The following UNC5C variants were observed in gnomAD, a reference collection of about 807,000 sequenced individuals.
The protein encoded by UNC5C is netrin receptor UNC5C.
Under a neutral mutation model 99.8 loss-of-function variants are expected in UNC5C, and 47 were observed. The observed-to-expected ratio is 0.47, with a 90% CI of 0.37 to 0.60. The LOEUF (loss-of-function observed/expected upper bound fraction) is 0.60, where lower values mean the gene tolerates loss of function less well. Ranked by LOEUF, UNC5C falls within the 20% of genes least tolerant of loss-of-function variation. The probability of loss-of-function intolerance (pLI) is 0.00; values close to 1 mark genes in which losing one functional copy is unlikely to be tolerated. For missense variants in UNC5C, 1,062 were observed against 1,165.9 expected, an observed-to-expected ratio of 0.91 and a Z score of 1.30; for synonymous variants, 487 against 452.2, an observed-to-expected ratio of 1.08 and a Z score of -0.98.
chr4:95,518,949 G>A (rs765186373), intron 1 of UNC5C, among the ~76,000 whole-genome samples: 1 of 152,132 alleles, frequency 6.6e-6, no homozygotes, highest in Non-Finnish European at 1.5e-5. Context: ...TGTCTTATTT[G>A]AATTTCATTT....
intron 1 of UNC5C, among the ~76,000 whole-genome samples, chr4:95,425,364 C>T (rs1746447778): frequency 6.6e-6 from 1 of 152,244 alleles, no homozygotes; most frequent in South Asian, 2.1e-4. Flanking sequence ...CTTTGTCACC[C>T]AGGCTGGAGT....
intron 3 of UNC5C, among the ~76,000 whole-genome samples, chr4:95,295,391 T>A (rs774025478): frequency 1.3e-4 from 20 of 152,220 alleles, no homozygotes; most frequent in Admixed American, 3.3e-4. Flanking sequence ...TTAAAGCAGA[T>A]GTGTTATGTT....
At chr4:95,519,839 A>AT (rs1722306606) in intron 1 of UNC5C, among the ~76,000 whole-genome samples, 1 of 152,240 alleles carries the variant, frequency 6.6e-6, no homozygotes, top group Non-Finnish European at 1.5e-5. Context: ...TTTGTCTTGC[A>AT]TAACTGCAAA....
At position 95,468,458 on chromosome 4, in the gene UNC5C, C is replaced by A. The variant is rs1747866544; in HGVS notation, c.124+80276G>T. ...TATCTTGAAATGCTTTACCCTCCAT[C>A]TTTTTTGCTATATCCATAATATCTT... On this transcript the variant is annotated intron_variant, in intron 1 of 15. Transcript: ENST00000453304. Among the ~76,000 whole-genome samples the A allele has an allele frequency of 2.0e-5, 3 of 152,094 alleles. No homozygotes were observed. The South Asian group carries it at 6.2e-4, about 31-fold the overall frequency.
intron 2 of UNC5C, among the ~76,000 whole-genome samples, chr4:95,311,398 G>T (rs1158335581): frequency 3.9e-5 from 6 of 152,134 alleles, no homozygotes; most frequent in Non-Finnish European, 7.4e-5. Context: ...CTAAATATTT[G>T]TCCTAAAACA....
intron 1 of UNC5C, among the ~76,000 whole-genome samples, 197 bp from the exon 2 acceptor site, chr4:95,335,828 CA>C (rs1743317133): frequency 6.6e-6 from 1 of 151,862 alleles, no homozygotes; most frequent in Non-Finnish European, 1.5e-5. Context: ...CTATACACAG[CA>C]AAACTCAACA....
intron 1 of UNC5C, among the ~76,000 whole-genome samples, chr4:95,546,221 G>C (rs1723060325): frequency 6.6e-6 from 1 of 152,164 alleles, no homozygotes; most frequent in South Asian, 2.1e-4. Context: ...TCACCACAAG[G>C]AAATCATACC....
intron 1 of UNC5C, among the ~76,000 whole-genome samples, chr4:95,503,603 C>A (rs953284049): frequency 2.0e-5 from 3 of 152,052 alleles, no homozygotes; most frequent in African/African-American, 7.2e-5. Flanking sequence ...AGGACACAAA[C>A]CTTCTGAAAG....
intron 1 of UNC5C, among the ~76,000 whole-genome samples, chr4:95,519,357 A>G (rs1722293561): frequency 6.6e-6 from 1 of 151,872 alleles, no homozygotes; most frequent in Admixed American, 6.6e-5. Flanking sequence ...CCATCACACC[A>G]CTCTGATCAT....
At chr4:95,530,716 G>A (rs1239656213) in intron 1 of UNC5C, among the ~76,000 whole-genome samples, 1 of 152,082 alleles carries the variant, frequency 6.6e-6, no homozygotes, top group African/African-American at 2.4e-5. Flanking sequence ...AGTTTCTATC[G>A]AAGATACAGC....
chr4:95,313,552 G>T (rs997866230), intron 2 of UNC5C, among the ~76,000 whole-genome samples: 1 of 152,106 alleles, frequency 6.6e-6, no homozygotes, highest in Admixed American at 6.6e-5. Flanking sequence ...CCAGGTATAT[G>T]TATCCAGAAT....
intron 1 of UNC5C, among the ~76,000 whole-genome samples, chr4:95,432,414 A>T (rs1186837787): frequency 6.6e-6 from 1 of 152,128 alleles, no homozygotes; most frequent in East Asian, 1.9e-4. Context: ...GGCCTGTCAG[A>T]AAAAGAGGGA....
intron 1 of UNC5C, among the ~76,000 whole-genome samples, chr4:95,339,369 G>A (rs933119258): frequency 1.3e-5 from 2 of 151,886 alleles, no homozygotes; most frequent in Admixed American, 6.6e-5. Context: ...CTGAACCCAT[G>A]GGGATAAGAA....
At chr4:95,451,601 A>G (rs1747280233) in intron 1 of UNC5C, among the ~76,000 whole-genome samples, 1 of 152,200 alleles carries the variant, frequency 6.6e-6, no homozygotes, top group Non-Finnish European at 1.5e-5. Context: ...CAAGTTGTTT[A>G]ATCTTTTATT....
intron 1 of UNC5C, among the ~76,000 whole-genome samples, chr4:95,527,814 T>A (rs1163646461): frequency 6.6e-6 from 1 of 152,124 alleles, no homozygotes; most frequent in Non-Finnish European, 1.5e-5. Flanking sequence ...AAATTTTTAA[T>A]AAAAGCCTAC....
intron 1 of UNC5C, among the ~76,000 whole-genome samples, chr4:95,382,588 T>C (rs1420759069): frequency 1.3e-5 from 2 of 152,146 alleles, no homozygotes; most frequent in African/African-American, 2.4e-5. Context: ...GAAATATTAA[T>C]ATATGAGAAA....
intron 1 of UNC5C, among the ~76,000 whole-genome samples, chr4:95,512,620 C>A (rs546063355): frequency 5.1e-4 from 78 of 152,200 alleles, no homozygotes; most frequent in African/African-American, 1.8e-3. Flanking sequence ...AAATTGATAT[C>A]AATTTTACAT....
intron 4 of UNC5C, among the ~76,000 whole-genome samples, chr4:95,262,363 A>C (rs1034218439): frequency 1.3e-5 from 2 of 152,186 alleles, no homozygotes; most frequent in Non-Finnish European, 2.9e-5. Flanking sequence ...ACACTGTTAC[A>C]ACATAAGTCC....
chr4:95,447,735 A>G (rs909498636), intron 1 of UNC5C, among the ~76,000 whole-genome samples: 8 of 152,168 alleles, frequency 5.3e-5, no homozygotes, highest in Non-Finnish European at 1.2e-4. Flanking sequence ...TCGTGATCTC[A>G]GGCGATCTGC....
Sources: allele counts gnomAD v4.1 joint callset (sites outside exome capture counted in the v4.1 genomes callset), GRCh38; gene constraint gnomAD v4.1.1; transcripts MANE v1.5; gene names NCBI Gene and HGNC (gene_info 2026-07-23, HGNC 2026-07-21).